Variants in MUC5B observed in about 807,000 individuals in gnomAD.
MUC5B encodes the protein mucin-5B.
In MUC5B, 116 loss-of-function variants were observed where a neutral mutation model predicts 376.9. That is an observed-to-expected ratio of 0.31 (90% confidence interval 0.26 to 0.36). MUC5B has a LOEUF of 0.36. Among genes scored for constraint, MUC5B ranks in the 10% least tolerant of loss-of-function variants. MUC5B has a pLI of 1.00. For synonymous variants in MUC5B, 3,517 were observed against 3,390.9 expected (o/e 1.04, Z -1.29); for missense variants, 7,165 against 7,769.9 (o/e 0.92, Z 2.93).
At position 1,258,628 on chromosome 11, in the gene MUC5B, G is replaced by A. The variant is rs926486793; in HGVS notation, c.16593+261G>A. ...AACAGCCTGGGGGCAGCACACACTGGCCTGGGGTCCCCGCCTGCCCGCCCA... is the reference window on the plus strand; with the variant it reads ...AACAGCCTGGGGGCAGCACACACTGACCTGGGGTCCCCGCCTGCCCGCCCA... On this transcript the variant is annotated intron_variant, in intron 43 of 48. Transcript: ENST00000529681. This position sits in a 1 kb window ranked among gnomAD's most constrained non-coding sequence, Gnocchi z 5.5. 1.3e-5 allele frequency among the ~76,000 whole-genome samples: 2 copies of A among 152,094 alleles called. No homozygotes were observed. The highest frequency in any genetic ancestry group is 2.9e-5 in the Non-Finnish European group (2 of 67,988).
chr11:1,258,102 G>A lies in MUC5B; in HGVS notation c.16454G>A (p.Cys5485Tyr). 1.9e-6 allele frequency: 3 copies of A among 1,583,336 alleles called. No individual in the cohort carries two copies. The highest frequency in any genetic ancestry group is 8.6e-7 in the Non-Finnish European group (1 of 1,166,966). ...AGTGGCCTCCATCCTCCCGCAGTGT[G>A]CAACACAACCACCTGCCCCCAGAGC... is the stretch of plus-strand genomic sequence containing the variant. ...NPCCPETVCV[C>Y]NTTTCPQSLP... Residue 5485 changes from cysteine (C) to tyrosine (Y), a missense_variant, in exon 42 of 49, where the codon TGC (cysteine) becomes TAC (tyrosine). Physicochemically the swap from Cys to Tyr is radical, Grantham distance 194 (BLOSUM62 -2). Around this residue, in one of 31 missense-constraint regions of MUC5B, gnomAD observed 842 missense variants for 1,016.9 expected, o/e 0.83. Coordinates refer to ENST00000529681, the MANE Select transcript of MUC5B (RefSeq NM_002458.3). The surrounding 1 kb of genome is among the most constrained non-coding windows in gnomAD (Gnocchi z 5.5).
At chr11:1,226,539 AG>A in intron 3 of MUC5B, 75 bp from the exon 4 acceptor site, 1 of 1,516,160 alleles carries the variant, frequency 6.6e-7, no homozygotes, top group African/African-American at 1.4e-5. Context: ...TCCAAAAACC[AG>A]GGTGCCTCGG....
chr11:1,233,102 G>A lies in MUC5B; in HGVS notation c.2155G>A (p.Asp719Asn), dbSNP rs771475045. 7.5e-6 allele frequency: 12 copies of A among 1,607,692 alleles called. No homozygotes were observed. The highest frequency in any genetic ancestry group is 6.7e-5 in the African/African-American group (5 of 74,932). ...CACTTGCCGCGGCCTGAGTGAGGCC[G>A]ACGTCACCTGCAGCGTTTCCTTCGT... ...QPTCRGLSEADVTCSVSFVPV... is the reference protein window; with the variant it reads ...QPTCRGLSEANVTCSVSFVPV... Residue 719 changes from aspartate to asparagine, a missense_variant, in exon 18 of 49, where the codon GAC (aspartate) becomes AAC (asparagine). This residue lies in a region of MUC5B where 530 missense variants were observed against 604.0 expected (regional missense o/e 0.88). Coordinates refer to ENST00000529681, the MANE Select transcript of MUC5B (RefSeq NM_002458.3).
rs762551318 is a variant in MUC5B at position 1,244,592 on chromosome 11, C to G, written c.7712C>G (p.Pro2571Arg). Reference protein sequence around the residue: ...TMSTATPSSTPETVHTSTVLT... With the variant: ...TMSTATPSSTRETVHTSTVLT... ...TCCACAGCCACACCCTCCTCCACTC[C>G]AGAGACTGTCCACACCTCCACAGTG... Residue 2571 changes from proline (P) to arginine (R), a missense_variant, in exon 31 of 49, where the codon CCA becomes CGA. By Grantham distance (103) the Pro-to-Arg change is moderately radical. This residue lies in a region of MUC5B where 194 missense variants were observed against 268.5 expected (regional missense o/e 0.72). Transcript: ENST00000529681. 1 of 1,613,504 alleles carries G rather than the reference C, an allele frequency of 6.2e-7. No individual in the cohort carries two copies. The highest frequency in any genetic ancestry group is 1.3e-5 in the African/African-American group (1 of 74,778).
Position 1,238,925 on chromosome 11 carries a change from T to G in MUC5B, c.3352T>G (p.Ser1118Ala), listed in dbSNP as rs994320958. 1.9e-6 allele frequency: 3 copies of G among 1,572,468 alleles called. No individual in the cohort carries two copies. Among genetic ancestry groups the G allele is most frequent in the Non-Finnish European group, 2.6e-6 (3 of 1,159,126 alleles). ...ACVNDACACD[S>A]GGDCECFCTA... The stretch of plus-strand genomic sequence containing the variant: ...CGTGAACGACGCGTGTGCCTGCGAC[T>G]CGGGTGGCGACTGCGAGTGTTTCTG... Residue 1118 changes from serine (S) to alanine (A), a missense_variant, in exon 26 of 49, where the codon TCG (serine) becomes GCG (alanine). Physicochemically the swap from Ser to Ala is moderately conservative, Grantham distance 99. Coordinates refer to ENST00000529681, the MANE Select transcript of MUC5B (RefSeq NM_002458.3).
At chr11:1,231,053 G>A in intron 13 of MUC5B, 48 bp downstream of exon 13, 1 of 1,524,414 alleles carries the variant, frequency 6.6e-7, no homozygotes, top group African/African-American at 1.4e-5. Context: ...CCTGCTTGCA[G>A]GGGCAGCTCC....
Position 1,237,182 on chromosome 11 carries a change from G to A in MUC5B, c.3297+18G>A, listed in dbSNP as rs371924519. 4.6e-3 allele frequency: 6,513 copies of A among 1,407,540 alleles called. 21 individuals carry two copies. The highest frequency in any genetic ancestry group is 5.7e-3 in the Non-Finnish European group (6,095 of 1,078,214). 87.2% of individuals were successfully genotyped at this position (1,407,540 alleles called of 1,614,324 possible). On this transcript the variant is annotated intron_variant, in intron 25 of 48. Transcript: ENST00000529681. The stretch of plus-strand genomic sequence containing the variant: ...GCTCCCAGGTGGGGCTCTGGTCTTG[G>A]CAGGCAGGGTCTGGTGGGGATGGCA...
Position 1,253,965 on chromosome 11 carries a change from C to G in MUC5B, c.15218-127C>G. On this transcript the variant is annotated intron_variant, in intron 33 of 48. Coordinates refer to ENST00000529681, the MANE Select transcript of MUC5B (RefSeq NM_002458.3). The surrounding 1 kb of genome is among the most constrained non-coding windows in gnomAD (Gnocchi z 4.3). ...GGACCCATTTTTATAGACGAGGCAG[C>G]TGAGGCCCCAGGGGCTTCAGTGGCT... The G allele has an allele frequency of 7.5e-7, 1 of 1,335,832 alleles. No individual in the cohort carries two copies. Among genetic ancestry groups the G allele is most frequent in the Non-Finnish European group, 1.0e-6 (1 of 989,422 alleles). The allele number at this position is 1,335,832 out of a possible 1,614,324, so 82.7% of individuals were successfully genotyped here. A position where few individuals can be genotyped will look rare whatever the true frequency, so the allele number is the denominator to read the frequency against.
rs971375845 is a variant in MUC5B at position 1,261,817 on chromosome 11, G to A, written c.*209G>A. On this transcript the variant is annotated 3_prime_UTR_variant, in exon 49 of 49. Coordinates refer to ENST00000529681, the MANE Select transcript of MUC5B (RefSeq NM_002458.3). ...CCCCTTTCGGGAGGGCGCCACTCAG[G>A]AGTCCTACCCTGGGAGAGCCTGTGG... The A allele has an allele frequency of 8.5e-6, 6 of 701,936 alleles. No homozygotes were observed. The highest frequency in any genetic ancestry group is 1.6e-5 in the Non-Finnish European group (6 of 386,204). 43.5% of individuals were successfully genotyped at this position (701,936 alleles called of 1,614,324 possible).
chr11:1,260,795 T>A, intron 48 of MUC5B, 67 bp downstream of exon 48: 6 of 1,221,948 alleles, frequency 4.9e-6, no homozygotes, highest in Non-Finnish European at 7.0e-6. Context: ...GCCCGTCAGC[T>A]GGCTGGCAGC....
At position 1,235,308 on chromosome 11, in the gene MUC5B, C is replaced by T. The variant is rs1221678158; in HGVS notation, c.2775C>T (p.Tyr925=). Residue 925 remains tyrosine, a synonymous_variant, in exon 23 of 49, where the codon TAC becomes TAT. Transcript: ENST00000529681. ...GSCEYILAQD[Y]CGDNTTHGTF... ...CTTGTCTCTTTCTGGCCCAGGACTA[C>T]TGTGGGGACAACACCACCCACGGGA... 2 of 1,612,810 alleles carry T rather than the reference C, an allele frequency of 1.2e-6. No individual in the cohort carries two copies. The highest frequency in any genetic ancestry group is 1.1e-5 in the South Asian group (1 of 91,084).
In MUC5B at chr11:1,246,682, T is replaced by C. The variant is rs377257729; in HGVS notation, c.9802T>C (p.Ser3268Pro). ...PTATMSTATP[S>P]STPETVHTST... Reference sequence around the variant, plus strand: ...GGCCACCATGTCCACAGCCACACCCTCCTCTACTCCAGAGACTGTCCACAC... The same window carrying C: ...GGCCACCATGTCCACAGCCACACCCCCCTCTACTCCAGAGACTGTCCACAC... Residue 3268 changes from serine (S) to proline (P), a missense_variant, in exon 31 of 49, where the codon TCC becomes CCC. Physicochemically the swap from Ser to Pro is moderately conservative, Grantham distance 74. Transcript: ENST00000529681. 4 of 1,607,902 alleles carry C rather than the reference T, an allele frequency of 2.5e-6. No homozygotes were observed. Among genetic ancestry groups the C allele is most frequent in the Admixed American group, 1.7e-5 (1 of 59,736 alleles).
chr11:1,231,684 A>G (rs1590170419), intron 14 of MUC5B, 124 bp downstream of exon 14: 1 of 1,236,174 alleles, frequency 8.1e-7, no homozygotes, highest in Non-Finnish European at 1.1e-6. Flanking sequence ...CCCCCAGGGC[A>G]TGGCGGAGAT....
chr11:1,242,968 A>T lies in MUC5B; in HGVS notation c.6088A>T (p.Thr2030Ser). Residue 2030 changes from threonine to serine, a missense_variant, in exon 31 of 49, where the codon ACT becomes TCT. Thr to Ser is a moderately conservative substitution (Grantham distance 58). This residue lies in a region of MUC5B where 897 missense variants were observed against 779.6 expected (regional missense o/e 1.15). Coordinates refer to ENST00000529681, the MANE Select transcript of MUC5B (RefSeq NM_002458.3). ...STVLTATATTTGATGSVATPS... is the reference protein window; with the variant it reads ...STVLTATATTSGATGSVATPS... ...AGTGCTTACCGCCACGGCCACCACA[A>T]CTGGGGCCACCGGCTCTGTGGCCAC... 6.2e-7 allele frequency: 1 copy of T among 1,612,500 alleles called. No homozygotes were observed. The highest frequency in any genetic ancestry group is 1.1e-5 in the South Asian group (1 of 90,980).
At chr11:1,236,850 G>T in intron 24 of MUC5B, 75 bp from the exon 25 acceptor site, 1 of 1,391,376 alleles carries the variant, frequency 7.2e-7, no homozygotes, top group South Asian at 1.7e-5. Context: ...TGGAGCCCAG[G>T]GTGGGCTCTG....
At position 1,237,131 on chromosome 11, in the gene MUC5B, C is replaced by T. The variant is rs768809541; in HGVS notation, c.3264C>T (p.Leu1088=). The change falls in exon 25 of 49, where the codon CTC becomes CTT. Residue 1088 remains leucine (L), a synonymous_variant. Coordinates refer to ENST00000529681, the MANE Select transcript of MUC5B (RefSeq NM_002458.3). ...GGGCCCAGAAGCAGTGCAGCATCCTCCACGGCCCCACCTTCGCCGCCTGCC... is the reference window on the plus strand; with the variant it reads ...GGGCCCAGAAGCAGTGCAGCATCCTTCACGGCCCCACCTTCGCCGCCTGCC... The part of the protein sequence containing the change: ...KSWAQKQCSI[L]HGPTFAACRS... 12 of 1,462,568 alleles carry T rather than the reference C, an allele frequency of 8.2e-6. No individual in the cohort carries two copies. The highest frequency in any genetic ancestry group is 1.4e-5 in the South Asian group (1 of 69,014). 90.6% of individuals were successfully genotyped at this position (1,462,568 alleles called of 1,614,324 possible).
At position 1,257,757 on chromosome 11, in the gene MUC5B, C is replaced by T; in HGVS notation, c.16450+47C>T. 4 of 1,502,966 alleles carry T rather than the reference C, an allele frequency of 2.7e-6. No homozygotes were observed. The highest frequency in any genetic ancestry group is 3.5e-6 in the Non-Finnish European group (4 of 1,126,812). 93.1% of individuals were successfully genotyped at this position (1,502,966 alleles called of 1,614,324 possible). A position where few individuals can be genotyped will look rare whatever the true frequency, so the allele number is the denominator to read the frequency against. On this transcript the variant is annotated intron_variant, in intron 41 of 48. Coordinates refer to ENST00000529681, the MANE Select transcript of MUC5B (RefSeq NM_002458.3). The surrounding 1 kb of genome is among the most constrained non-coding windows in gnomAD (Gnocchi z 8.9). ...GTGCCCGGCATAGGGTGAGGGGGGA[C>T]AGAGCCGGTGCCCACCAGGGGCCTG...
chr11:1,240,707 C>A, intron 30 of MUC5B, 144 bp from the exon 31 acceptor site: 1 of 818,094 alleles, frequency 1.2e-6, no homozygotes, highest in South Asian at 1.9e-5. Flanking sequence ...CGGCTCTAAC[C>A]AAGGCTGAGG....
In MUC5B at chr11:1,239,949, G is replaced by C; in HGVS notation, c.3728+6G>C. On this transcript the variant is annotated splice_donor_region_variant and intron_variant, in intron 28 of 48. Coordinates refer to ENST00000529681, the MANE Select transcript of MUC5B (RefSeq NM_002458.3). ...GCGGAGAACTGCCAGAGCTGGTGAG[G>C]GGGTGGGAAGCGGGTGGCGCTGGGG... 1 of 1,612,814 alleles carries C rather than the reference G, an allele frequency of 6.2e-7. No individual in the cohort carries two copies.
Sources: gnomAD v4.1 joint callset for allele counts (sites outside exome capture counted in the v4.1 genomes callset) on GRCh38, gnomAD v4.1.1 for gene constraint, gnomAD v4.1.1 regional missense constraint, Gnocchi (gnomAD v3.1) non-coding constraint, MANE v1.5 for transcripts, NCBI Gene and HGNC (gene_info 2026-07-23, HGNC 2026-07-21) for gene names.